Variants in ZNF443 observed in about 807,000 individuals in gnomAD.
ZNF443 encodes zinc finger protein 443, also known as Kruppel-type zinc finger (C2H2).
In ZNF443, 3 loss-of-function variants were observed where a neutral mutation model predicts 12.0. That is an observed-to-expected ratio of 0.25 (90% confidence interval 0.11 to 0.64). ZNF443 has a LOEUF of 0.64. ZNF443 is among the 30% of genes least tolerant of loss of function. The pLI, the probability that ZNF443 is intolerant of heterozygous loss-of-function variation, is 0.84. For synonymous variants in ZNF443, 225 were observed against 265.9 expected (o/e 0.85, Z 1.50); for missense variants, 770 against 808.8 (o/e 0.95, Z 0.58).
chr19:12,435,009 A>G, intron 1 of ZNF443, among the ~76,000 whole-genome samples: 1 of 134,050 alleles, frequency 7.5e-6, no homozygotes, highest in East Asian at 2.2e-4. Context: ...ACTGGAGTGC[A>G]GACACATCAC....
chr19:12,431,104 C>G lies in ZNF443; in HGVS notation c.1068G>C (p.Met356Ile). 1 of 1,613,936 alleles carries G rather than the reference C, an allele frequency of 6.2e-7. No homozygotes were observed. The highest frequency in any genetic ancestry group is 1.3e-5 in the African/African-American group (1 of 74,964). The stretch of plus-strand genomic sequence containing the variant: ...GAGGTCCATTTCCAGTGTGCCTTAT[C>G]ATGTGTCTTTGAAAGCTTCCCAGAT... Reference protein sequence around the residue: ...FHHLGSFQRHMIRHTGNGPHK... With the variant: ...FHHLGSFQRHIIRHTGNGPHK... The change falls in exon 4 of 4, where the codon ATG becomes ATC. Residue 356 changes from methionine (M) to isoleucine (I), a missense_variant. By Grantham distance (10) the Met-to-Ile change is conservative. Around this residue, in one of 3 missense-constraint regions of ZNF443, gnomAD observed 736 missense variants for 689.4 expected, o/e 1.07. Transcript: ENST00000301547.
At position 12,430,168 on chromosome 19, in the gene ZNF443, T is replaced by C; in HGVS notation, c.2004A>G (p.Lys668=). Residue 668 remains lysine, a synonymous_variant, in exon 4 of 4, where the codon AAA becomes AAG. Transcript: ENST00000301547. ...FASLSSLHRH[K]KTH Reference sequence around the variant, plus strand: ...TTTAGAGAGAATGCTAGTGAGTCTTTTTATGTCTATGCAAGGAACTGAGAG... The same window carrying C: ...TTTAGAGAGAATGCTAGTGAGTCTTCTTATGTCTATGCAAGGAACTGAGAG... 3 of 1,613,630 alleles carry C rather than the reference T, an allele frequency of 1.9e-6. No individual in the cohort carries two copies. Among genetic ancestry groups the C allele is most frequent in the Non-Finnish European group, 2.5e-6 (3 of 1,179,704 alleles).
At chr19:12,440,236 C>T (rs1393031497) in intron 1 of ZNF443, among the ~76,000 whole-genome samples, 1 of 73,290 alleles carries the variant, frequency 1.4e-5, no homozygotes, top group Non-Finnish European at 3.5e-5. Flanking sequence ...TGCCCTCAGC[C>T]CCGCTGCCTC....
intron 1 of ZNF443, among the ~76,000 whole-genome samples, chr19:12,433,645 A>AAC (rs1970280260): frequency 6.6e-6 from 1 of 152,122 alleles, no homozygotes; most frequent in Non-Finnish European, 1.5e-5. Flanking sequence ...CCCCAGGAGC[A>AAC]TAATAACAGG....
In ZNF443 at chr19:12,431,181, G is replaced by T. The variant is rs777122192; in HGVS notation, c.991C>A (p.His331Asn). The T allele has an allele frequency of 9.3e-6, 15 of 1,613,994 alleles. No homozygotes were observed. The highest frequency in any genetic ancestry group is 1.0e-5 in the Non-Finnish European group (12 of 1,179,950). ...CATGCATAGGGTTTCTCTGCACTGTGAGTGGTTTCATGTCTTTGAAGGGAA... is the reference window on the plus strand; with the variant it reads ...CATGCATAGGGTTTCTCTGCACTGTTAGTGGTTTCATGTCTTTGAAGGGAA... ...SGSLQRHETT[H>N]SAEKPYACQQ... The change falls in exon 4 of 4, where the codon CAC becomes AAC. Residue 331 changes from histidine (H) to asparagine (N), a missense_variant. This residue lies in a region of ZNF443 where 736 missense variants were observed against 689.4 expected (regional missense o/e 1.07). Coordinates refer to ENST00000301547, the MANE Select transcript of ZNF443 (RefSeq NM_005815.5).
At chr19:12,437,592 T>C (rs1970326450) in intron 1 of ZNF443, among the ~76,000 whole-genome samples, 1 of 151,598 alleles carries the variant, frequency 6.6e-6, no homozygotes, top group Non-Finnish European at 1.5e-5. Context: ...TCCAAGTATA[T>C]CAATAACCAC....
intron 1 of ZNF443, among the ~76,000 whole-genome samples, chr19:12,434,220 G>GTC (rs1321855414): frequency 6.6e-6 from 1 of 152,188 alleles, no homozygotes; most frequent in Non-Finnish European, 1.5e-5. Flanking sequence ...TGGGCATTGG[G>GTC]TCTATAATGA....
chr19:12,431,191 AT>A lies in ZNF443; in HGVS notation c.980del (p.His327LeufsTer30). 2.5e-6 allele frequency: 4 copies of A among 1,613,994 alleles called. No individual in the cohort carries two copies. The highest frequency in any genetic ancestry group is 3.4e-6 in the Non-Finnish European group (4 of 1,179,942). On this transcript the variant is annotated frameshift_variant, in exon 4 of 4. Transcript: ENST00000301547. LOFTEE classifies it low-confidence loss of function (END_TRUNC). Reference protein sequence around the residue: ...AFSVSGSLQRHETTHSAEKPY... With the variant: ...AFSVSGSLQRXETTHSAEKPY... ...GTTTCTCTGCACTGTGAGTGGTTTC[AT>A]GTCTTTGAAGGGAACCGGAAACACT...
chr19:12,430,187 C>T lies in ZNF443; in HGVS notation c.1985G>A (p.Ser662Asn). ...AGTCTTTTTATGTCTATGCAAGGAA[C>T]TGAGAGAAGCAAATGCTTTCCCACA... The part of the protein sequence containing the change: ...KECGKAFASL[S>N]SLHRHKKTH Residue 662 changes from serine to asparagine, a missense_variant, in exon 4 of 4, where the codon AGT (serine) becomes AAT (asparagine). Ser to Asn is a conservative substitution (Grantham distance 46). Around this residue, in one of 3 missense-constraint regions of ZNF443, gnomAD observed 30 missense variants for 60.4 expected, o/e 0.50. Transcript: ENST00000301547. 1 of 1,613,742 alleles carries T rather than the reference C, an allele frequency of 6.2e-7. No homozygotes were observed. The highest frequency in any genetic ancestry group is 8.5e-7 in the Non-Finnish European group (1 of 1,179,808).
chr19:12,431,343 C>T lies in ZNF443; in HGVS notation c.829G>A (p.Gly277Arg), dbSNP rs1970251425. The T allele has an allele frequency of 1.2e-6, 2 of 1,613,942 alleles. No homozygotes were observed. Residue 277 changes from glycine (G) to arginine (R), a missense_variant, in exon 4 of 4, where the codon GGG becomes AGG. Gly to Arg is a moderately radical substitution (Grantham distance 125). This residue lies in a region of ZNF443 where 736 missense variants were observed against 689.4 expected (regional missense o/e 1.07). Transcript: ENST00000301547. Reference protein sequence around the residue: ...SYLRHERTHTGEKPYKCKQCS... With the variant: ...SYLRHERTHTREKPYKCKQCS... ...TGCTTACATTTATATGGTTTCTCCC[C>T]AGTATGTGTTCTTTCATGTCTTAGA...
Position 12,429,852 on chromosome 19 carries a change from G to C in ZNF443, c.*304C>G, listed in dbSNP as rs1344201639. Reference sequence around the variant, plus strand: ...ATACAATAGAACAACTATTTGCATAGCTTTTATAATGCATGAGGTATTTTA... The same window carrying C: ...ATACAATAGAACAACTATTTGCATACCTTTTATAATGCATGAGGTATTTTA... On this transcript the variant is annotated 3_prime_UTR_variant, in exon 4 of 4. Coordinates refer to ENST00000301547, the MANE Select transcript of ZNF443 (RefSeq NM_005815.5). 2.1e-6 allele frequency: 1 copy of C among 481,844 alleles called. No homozygotes were observed. Among genetic ancestry groups the C allele is most frequent in the South Asian group, 2.9e-5 (1 of 34,522 alleles). The allele number at this position is 481,844 out of a possible 1,614,324, so 29.8% of individuals were successfully genotyped here.
Position 12,431,508 on chromosome 19 carries a change from C to A in ZNF443, c.664G>T (p.Glu222Ter). Residue 222 changes from glutamate to a stop codon, truncating the protein, a stop_gained, in exon 4 of 4, where the codon GAG becomes TAG. Transcript: ENST00000301547. LOFTEE classifies it low-confidence loss of function (END_TRUNC). ...LHMHERTHTG[E>*]KPYECKQCSK... The stretch of plus-strand genomic sequence containing the variant: ...CACTGCTTACATTCATATGGTTTCT[C>A]TCCAGTGTGCGTTCTTTCATGCATA... 1 of 1,614,152 alleles carries A rather than the reference C, an allele frequency of 6.2e-7. No homozygotes were observed. Among genetic ancestry groups the A allele is most frequent in the East Asian group, 2.2e-5 (1 of 44,888 alleles).
In ZNF443 at chr19:12,430,390, A is replaced by G; in HGVS notation, c.1782T>C (p.Gly594=). 6.4e-7 allele frequency: 1 copy of G among 1,573,056 alleles called. No homozygotes were observed. Among genetic ancestry groups the G allele is most frequent in the Non-Finnish European group, 8.6e-7 (1 of 1,158,932 alleles). Residue 594 remains glycine, a synonymous_variant, in exon 4 of 4, where the codon GGT becomes GGC. Transcript: ENST00000301547. ...REKSYECPQC[G]KAFTHSRFLQ... is the part of the protein sequence containing the mutation. ...GAAAACGGGAATGAGTGAAGGCTTTACCACATTGTGGACATTCATAGGATT... is the reference window on the plus strand; with the variant it reads ...GAAAACGGGAATGAGTGAAGGCTTTGCCACATTGTGGACATTCATAGGATT...
At chr19:12,438,300 C>T (rs927918999) in intron 1 of ZNF443, among the ~76,000 whole-genome samples, 13 of 152,178 alleles carry the variant, frequency 8.5e-5, no homozygotes, top group South Asian at 4.1e-4. Flanking sequence ...AAGGCACTGA[C>T]ATTTTATAGC....
intron 1 of ZNF443, 24 bp downstream of exon 1, chr19:12,440,888 G>C: frequency 1.2e-6 from 2 of 1,613,962 alleles, no homozygotes; most frequent in Non-Finnish European, 1.7e-6. Flanking sequence ...CCCCCGCCTC[G>C]GGACGCCGGC....
Position 12,430,646 on chromosome 19 carries a change from C to T in ZNF443, c.1526G>A (p.Cys509Tyr), listed in dbSNP as rs1970240064. The T allele has an allele frequency of 6.2e-7, 1 of 1,613,974 alleles. No homozygotes were observed. ...TGEKPYECKE[C>Y]GKAFSRFRYL... ...TCTGAAACGACTGAATGCTTTCCCA[C>T]ATTCCTTACACTCATATGGCTTCTC... is the stretch of plus-strand genomic sequence containing the variant. Residue 509 changes from cysteine (C) to tyrosine (Y), a missense_variant, in exon 4 of 4, where the codon TGT becomes TAT. By Grantham distance (194) the Cys-to-Tyr change is radical (BLOSUM62 -2). Around this residue, in one of 3 missense-constraint regions of ZNF443, gnomAD observed 736 missense variants for 689.4 expected, o/e 1.07. Coordinates refer to ENST00000301547, the MANE Select transcript of ZNF443 (RefSeq NM_005815.5).
chr19:12,432,443 A>C lies in ZNF443; in HGVS notation c.131-6T>G. On this transcript the variant is annotated splice_region_variant and splice_polypyrimidine_tract_variant and intron_variant, in intron 2 of 3. Coordinates refer to ENST00000301547, the MANE Select transcript of ZNF443 (RefSeq NM_005815.5). ...CTGGTCTTTCCATTTCATTACTAAAAGGTATACACAGAAAAATCATTACAA... is the reference window on the plus strand; with the variant it reads ...CTGGTCTTTCCATTTCATTACTAAACGGTATACACAGAAAAATCATTACAA... 1 of 1,434,394 alleles carries C rather than the reference A, an allele frequency of 7.0e-7. No homozygotes were observed. Among genetic ancestry groups the C allele is most frequent in the Non-Finnish European group, 9.4e-7 (1 of 1,061,024 alleles). The allele number at this position is 1,434,394 out of a possible 1,614,324, so 88.9% of individuals were successfully genotyped here.
intron 1 of ZNF443, among the ~76,000 whole-genome samples, chr19:12,436,656 A>T (rs1172195691): frequency 1.3e-5 from 2 of 152,162 alleles, no homozygotes; most frequent in East Asian, 3.8e-4. Context: ...AATGAAATTG[A>T]GAGAACATGT....
In ZNF443 at chr19:12,431,558, G is replaced by A. The variant is rs764671049; in HGVS notation, c.614C>T (p.Ala205Val). Reference protein sequence around the residue: ...GPYKCKLCGKAFFWPSLLHMH... With the variant: ...GPYKCKLCGKVFFWPSLLHMH... The stretch of plus-strand genomic sequence containing the variant: ...ATGTAATAAACTGGGCCAAAAAAAC[G>A]CTTTCCCACACAACTTACATTTATA... Residue 205 changes from alanine to valine, a missense_variant, in exon 4 of 4, where the codon GCG becomes GTG. Coordinates refer to ENST00000301547, the MANE Select transcript of ZNF443 (RefSeq NM_005815.5). 1.1e-5 allele frequency: 18 copies of A among 1,614,058 alleles called. No individual in the cohort carries two copies. Among genetic ancestry groups the A allele is most frequent in the South Asian group, 3.3e-5 (3 of 91,068 alleles).
Sources: allele counts gnomAD v4.1 joint callset (sites outside exome capture counted in the v4.1 genomes callset), GRCh38; gene constraint gnomAD v4.1.1; regional missense constraint gnomAD v4.1.1; transcripts MANE v1.5; gene names NCBI Gene and HGNC (gene_info 2026-07-23, HGNC 2026-07-21).